The following OPCML variants were observed in gnomAD, a reference collection of about 807,000 sequenced individuals.
OPCML encodes opioid-binding protein/cell adhesion molecule.
In OPCML, 13 loss-of-function variants were observed where a neutral mutation model predicts 37.8. The observed-to-expected ratio is 0.34, with a 90% confidence interval of 0.22 to 0.55. The LOEUF (loss-of-function observed/expected upper bound fraction) is 0.55. OPCML is among the 20% of genes least tolerant of loss of function. The pLI is 0.91. For missense variants in OPCML, 341 were observed against 435.6 expected, an observed-to-expected ratio of 0.78 and a Z score of 1.93; for synonymous variants, 176 against 168.8, an observed-to-expected ratio of 1.04 and a Z score of -0.33.
intron 1 of OPCML, among the ~76,000 whole-genome samples, chr11:133,523,708 T>C (rs1948436261): frequency 6.6e-6 from 1 of 152,192 alleles, no homozygotes; most frequent in Non-Finnish European, 1.5e-5. Flanking sequence ...CAGCCTCATC[T>C]TGGCCCATGC....
At position 132,532,332 on chromosome 11, in the gene OPCML, C is replaced by T. The variant is rs185250880; in HGVS notation, c.380-3146G>A. Among the ~76,000 whole-genome samples the T allele has an allele frequency of 2.7e-4, 41 of 152,158 alleles. 1 individual carries two copies. The highest frequency in any genetic ancestry group is 2.6e-3 in the Admixed American group (39 of 15,278). On this transcript the variant is annotated intron_variant, in intron 3 of 7. Transcript: ENST00000524381. ...ATAAGTACAGTTTTAGGGTGTGGAT[C>T]GCCAGCAGAAAAGGAAGTGCAGAGG...
intron 1 of OPCML, among the ~76,000 whole-genome samples, chr11:133,405,059 C>T (rs1945496779): frequency 6.6e-6 from 1 of 152,168 alleles, no homozygotes; most frequent in South Asian, 2.1e-4. Flanking sequence ...TCAAAACAGG[C>T]TTTTACAGTT....
intron 1 of OPCML, among the ~76,000 whole-genome samples, chr11:133,124,606 G>A (rs1039271987): frequency 2.0e-5 from 3 of 152,106 alleles, no homozygotes; most frequent in African/African-American, 7.2e-5. Context: ...GAGCCCCACT[G>A]CAGAGCCCAG....
intron 1 of OPCML, among the ~76,000 whole-genome samples, chr11:133,274,059 T>C (rs1026921587): frequency 2.0e-5 from 3 of 152,202 alleles, no homozygotes; most frequent in African/African-American, 7.2e-5. Context: ...TCTATATCTA[T>C]ATCTGTATTC....
intron 3 of OPCML, among the ~76,000 whole-genome samples, chr11:132,636,195 C>T (rs1007829791): frequency 5.3e-5 from 8 of 151,994 alleles, no homozygotes; most frequent in African/African-American, 1.9e-4. Context: ...ATGAATGATG[C>T]TTTAGAAAAT....
intron 1 of OPCML, among the ~76,000 whole-genome samples, chr11:133,282,992 C>T (rs753486894): frequency 5.3e-5 from 8 of 152,106 alleles, no homozygotes; most frequent in Non-Finnish European, 1.0e-4. Flanking sequence ...TAAATAACTT[C>T]GTTTGATTTT....
intron 7 of OPCML, among the ~76,000 whole-genome samples, chr11:132,424,138 T>TTC (rs531193179): frequency 2.0e-5 from 3 of 148,238 alleles, no homozygotes; most frequent in Non-Finnish European, 3.0e-5. Context: ...TTTTTTTTTT[T>TTC]AGATGGAGTC....
At chr11:133,290,701 G>A (rs59591830) in intron 1 of OPCML, among the ~76,000 whole-genome samples, 7,413 of 152,300 alleles carry the variant, frequency 0.049, 209 homozygotes, top group Middle Eastern at 0.071. Context: ...AGAAGCCCAG[G>A]AGCCCATTCC....
At chr11:132,659,646 AT>A (rs558452907) in intron 2 of OPCML, among the ~76,000 whole-genome samples, 2 of 151,912 alleles carry the variant, frequency 1.3e-5, no homozygotes, top group Admixed American at 6.6e-5. Flanking sequence ...GAAAAGGATG[AT>A]TTTTTTGGCC....
At chr11:132,474,794 G>T (rs897734600) in intron 4 of OPCML, among the ~76,000 whole-genome samples, 2 of 152,146 alleles carry the variant, frequency 1.3e-5, no homozygotes, top group African/African-American at 4.8e-5. Flanking sequence ...ACACATATCT[G>T]GTTCCTGTGG....
chr11:132,574,785 G>T (rs1351967540), intron 3 of OPCML, among the ~76,000 whole-genome samples: 1 of 151,904 alleles, frequency 6.6e-6, no homozygotes, highest in African/African-American at 2.4e-5. Context: ...CATTTGGCCT[G>T]TGGTGTTAAG....
At chr11:133,112,957 C>G (rs1428115230) in intron 1 of OPCML, among the ~76,000 whole-genome samples, 1 of 152,340 alleles carries the variant, frequency 6.6e-6, no homozygotes, top group Admixed American at 6.5e-5. Flanking sequence ...TTACTCCATG[C>G]CAGACCTGGG....
intron 1 of OPCML, among the ~76,000 whole-genome samples, chr11:133,502,571 T>C (rs1947939998): frequency 1.3e-5 from 2 of 152,170 alleles, no homozygotes; most frequent in South Asian, 2.1e-4. Flanking sequence ...AACATATACC[T>C]GTACAGGAAA....
intron 1 of OPCML, among the ~76,000 whole-genome samples, chr11:133,098,894 G>A (rs1949044711): frequency 6.6e-6 from 1 of 152,156 alleles, no homozygotes; most frequent in African/African-American, 2.4e-5. Context: ...TTTCTTTGCA[G>A]ATGACATGAT....
intron 2 of OPCML, among the ~76,000 whole-genome samples, chr11:132,667,442 G>A (rs1942271329): frequency 6.6e-6 from 1 of 152,138 alleles, no homozygotes; most frequent in Non-Finnish European, 1.5e-5. Context: ...ATGAGACAAG[G>A]ACCAGGCCTT....
intron 2 of OPCML, among the ~76,000 whole-genome samples, chr11:132,735,719 G>A (rs906218427): frequency 6.6e-5 from 10 of 152,160 alleles, no homozygotes; most frequent in African/African-American, 2.4e-4. Flanking sequence ...TCCTGACCTT[G>A]TGATCCGCCT....
At chr11:132,725,293 G>T (rs879807072) in intron 2 of OPCML, among the ~76,000 whole-genome samples, 2 of 152,204 alleles carry the variant, frequency 1.3e-5, no homozygotes, top group African/African-American at 2.4e-5. Context: ...GAGGCTTATA[G>T]TCTCTGAAAT....
chr11:132,961,607 C>A (rs755466950), intron 1 of OPCML, among the ~76,000 whole-genome samples: 1 of 152,192 alleles, frequency 6.6e-6, no homozygotes, highest in Non-Finnish European at 1.5e-5. Flanking sequence ...CCCACAGGGC[C>A]GGGCTAAGCA....
intron 2 of OPCML, among the ~76,000 whole-genome samples, chr11:132,811,586 G>A (rs1394868743): frequency 6.6e-6 from 1 of 152,064 alleles, no homozygotes; most frequent in East Asian, 1.9e-4. Context: ...TTTTTCTTAT[G>A]TGTCTATATT....
Sources: allele counts gnomAD v4.1 joint callset (sites outside exome capture counted in the v4.1 genomes callset), GRCh38; gene constraint gnomAD v4.1.1; transcripts MANE v1.5; gene names NCBI Gene and HGNC (gene_info 2026-07-23, HGNC 2026-07-21).